Variants in ALDH16A1 observed in about 807,000 individuals in gnomAD.
ALDH16A1 encodes the protein aldehyde dehydrogenase family 16 member A1.
Under a neutral mutation model 96.1 loss-of-function variants are expected in ALDH16A1, and 88 were observed. The ratio of observed to expected loss-of-function variants is 0.92; its 90% CI spans 0.77 to 1.09. ALDH16A1 has a LOEUF of 1.09. Among genes scored for constraint, ALDH16A1 ranks in the 50% least tolerant of loss-of-function variants. ALDH16A1 has a pLI of 0.00. For synonymous variants in ALDH16A1, 522 were observed against 496.4 expected (o/e 1.05, Z -0.69); for missense variants, 1,250 against 1,112.6 (o/e 1.12, Z -1.76).
chr19:49,465,753 T>C lies in ALDH16A1; in HGVS notation c.1584T>C (p.Tyr528=), dbSNP rs2079192214. 2.5e-6 allele frequency: 4 copies of C among 1,613,786 alleles called. No individual in the cohort carries two copies. In the East Asian group the frequency reaches 6.7e-5, roughly 27 times the overall value. ...CCTACTCCAGCCCAGCACCCCCCTA[T>C]GGGCTCTTCGTTGGGGGCCGTTTCC... ...PEIGPSPAPP[Y]GLFVGGRFQA... Residue 528 remains tyrosine, a synonymous_variant, in exon 13 of 17, where the codon TAT becomes TAC. Coordinates refer to ENST00000293350, the MANE Select transcript of ALDH16A1 (RefSeq NM_153329.4).
chr19:49,461,367 G>A (rs1415374156), intron 5 of ALDH16A1, among the ~76,000 whole-genome samples: 2 of 140,594 alleles, frequency 1.4e-5, no homozygotes, highest in African/African-American at 2.8e-5. Context: ...GCTGGAGTCT[G>A]GACTCCTGGG....
In ALDH16A1 at chr19:49,465,868, C is replaced by T. The variant is rs777019923; in HGVS notation, c.1699C>T (p.Arg567Ter). 43 of 1,613,968 alleles carry T rather than the reference C, an allele frequency of 2.7e-5. No individual in the cohort carries two copies. The highest frequency in any genetic ancestry group is 4.0e-5 in the African/African-American group (3 of 74,938). ...YVAEGGAKDI[R>*]GAVEAAHQAF... ...GGCTGAGGGTGGAGCCAAGGACATC[C>T]GAGGTGCTGTGGAGGCCGCTCACCA... The change falls in exon 13 of 17, where the codon CGA (arginine) becomes TGA (stop). Residue 567 changes from arginine (R) to a stop codon, truncating the protein, a stop_gained. Coordinates refer to ENST00000293350, the MANE Select transcript of ALDH16A1 (RefSeq NM_153329.4). LOFTEE classifies it high-confidence loss of function.
rs1321887513 is a variant in ALDH16A1, at chr19:49,465,769, G to A, written c.1600G>A (p.Gly534Ser). The A allele has an allele frequency of 1.9e-6, 3 of 1,613,932 alleles. No individual in the cohort carries two copies. In the African/African-American group the frequency reaches 4.0e-5, roughly 22 times the overall value. ...PAPPYGLFVG[G>S]RFQAPGARSS... is the part of the protein sequence containing the mutation. Reference sequence around the variant, plus strand: ...ACCCCCCTATGGGCTCTTCGTTGGGGGCCGTTTCCAGGCTCCTGGGGCCCG... The same window carrying A: ...ACCCCCCTATGGGCTCTTCGTTGGGAGCCGTTTCCAGGCTCCTGGGGCCCG... Residue 534 changes from glycine (G) to serine (S), a missense_variant, in exon 13 of 17, where the codon GGC becomes AGC. Gly to Ser is a moderately conservative substitution (Grantham distance 56). Transcript: ENST00000293350.
chr19:49,469,104 G>C, intron 16 of ALDH16A1, 118 bp downstream of exon 16: 1 of 1,437,240 alleles, frequency 7.0e-7, no homozygotes, highest in East Asian at 2.4e-5. Flanking sequence ...GAAACTCCTT[G>C]ACAAGAAGGT....
intron 7 of ALDH16A1, among the ~76,000 whole-genome samples, chr19:49,462,257 C>T (rs2079156740): frequency 2.0e-5 from 3 of 152,084 alleles, no homozygotes; most frequent in South Asian, 2.1e-4. Flanking sequence ...GCCTCAGCCT[C>T]CCGAGTAGCT....
rs527587951 is a variant in ALDH16A1 at position 49,453,375 on chromosome 19, C to G, written c.44C>G (p.Thr15Ser). The G allele has an allele frequency of 1.1e-4, 177 of 1,571,364 alleles. No individual in the cohort carries two copies. The highest frequency in any genetic ancestry group is 2.1e-4 in the South Asian group (18 of 86,248). ...GGGCCCCGCGCCCGCGAGATCTTCA[C>G]CTCGCTGGAGTACGGACCGGTGCCG... The part of the protein sequence containing the change: ...RAGPRAREIF[T>S]SLEYGPVPES... The change falls in exon 1 of 17, where the codon ACC (threonine) becomes AGC (serine). Residue 15 changes from threonine (T) to serine (S), a missense_variant. Coordinates refer to ENST00000293350, the MANE Select transcript of ALDH16A1 (RefSeq NM_153329.4).
chr19:49,455,757 G>A (rs1020587646), intron 1 of ALDH16A1, among the ~76,000 whole-genome samples: 1 of 152,140 alleles, frequency 6.6e-6, no homozygotes, highest in African/African-American at 2.4e-5. Context: ...AACATAAAAA[G>A]TGAAGTTGAG....
Position 49,453,324 on chromosome 19 carries a change from G to T in ALDH16A1, c.-8G>T, listed in dbSNP as rs768608295. 1.3e-6 allele frequency: 2 copies of T among 1,559,098 alleles called. No homozygotes were observed. Among genetic ancestry groups the T allele is most frequent in the Non-Finnish European group, 1.7e-6 (2 of 1,154,794 alleles). ...CGCAGTCTTCGCGGAAAGCGTTCGG[G>T]GTAGGCGATGGCTGCGACGCGTGCA... On this transcript the variant is annotated 5_prime_UTR_variant, in exon 1 of 17. Coordinates refer to ENST00000293350, the MANE Select transcript of ALDH16A1 (RefSeq NM_153329.4).
chr19:49,469,039 C>T (rs1286415957), intron 16 of ALDH16A1, 53 bp downstream of exon 16: 3 of 1,566,464 alleles, frequency 1.9e-6, no homozygotes, highest in African/African-American at 1.4e-5. Flanking sequence ...CAAACAGGCT[C>T]CTCCTTTTCT....
At position 49,470,641 on chromosome 19, in the gene ALDH16A1, C is replaced by T; in HGVS notation, c.*174C>T. The stretch of plus-strand genomic sequence containing the variant: ...GTAGCAACTTCTGGCAGATATGAGG[C>T]TTTTTTCTTTTTTTTTTTTTTTTTT... On this transcript the variant is annotated 3_prime_UTR_variant, in exon 17 of 17. Transcript: ENST00000293350. 4 of 493,488 alleles carry T rather than the reference C, an allele frequency of 8.1e-6. No individual in the cohort carries two copies. The highest frequency in any genetic ancestry group is 1.2e-5 in the Non-Finnish European group (4 of 323,502). The allele number at this position is 493,488 out of a possible 1,614,324, so 30.6% of individuals were successfully genotyped here.
intron 4 of ALDH16A1, among the ~76,000 whole-genome samples, chr19:49,460,572 G>A (rs952824628): frequency 7.3e-5 from 11 of 151,704 alleles, no homozygotes; most frequent in Admixed American, 1.3e-4. Context: ...GCACCACCAC[G>A]CCTGGCTAAT....
At position 49,460,912 on chromosome 19, in the gene ALDH16A1, C is replaced by T; in HGVS notation, c.577+13C>T. The T allele has an allele frequency of 6.2e-7, 1 of 1,610,844 alleles. No homozygotes were observed. The highest frequency in any genetic ancestry group is 8.5e-7 in the Non-Finnish European group (1 of 1,178,030). ...GCCCTGGCTGTGGGTAAATGATGGC[C>T]TGGGGGGTCCTGACTCTTGGGTCTG... On this transcript the variant is annotated intron_variant, in intron 5 of 16. Transcript: ENST00000293350.
chr19:49,464,355 AC>A, intron 10 of ALDH16A1, 61 bp from the exon 11 acceptor site: 1 of 1,558,476 alleles, frequency 6.4e-7, no homozygotes, highest in South Asian at 1.2e-5. Context: ...CCTTTAACTC[AC>A]CCCTCTCCCG....
chr19:49,465,497 T>G (rs1376712545), intron 12 of ALDH16A1, among the ~76,000 whole-genome samples: 1 of 123,360 alleles, frequency 8.1e-6, no homozygotes, highest in Non-Finnish European at 1.7e-5. Context: ...AATTTGGGGT[T>G]CCCCAGAGGC....
chr19:49,458,909 A>C lies in ALDH16A1; in HGVS notation c.194-51A>C, dbSNP rs375912142. 128 of 1,585,192 alleles carry C rather than the reference A, an allele frequency of 8.1e-5. No individual in the cohort carries two copies. In the African/African-American group the frequency reaches 1.7e-3, roughly 21 times the overall value. On this transcript the variant is annotated intron_variant, in intron 2 of 16. Coordinates refer to ENST00000293350, the MANE Select transcript of ALDH16A1 (RefSeq NM_153329.4). ...CTCCGAAAATCTCAGCCCCCTCCAG[A>C]TATGACATGGGCTACTCCTCCCATC...
intron 12 of ALDH16A1, among the ~76,000 whole-genome samples, chr19:49,465,130 G>A (rs1472110752): frequency 6.7e-6 from 1 of 148,186 alleles, no homozygotes; most frequent in Non-Finnish European, 1.5e-5. Flanking sequence ...GGAGTTTGAG[G>A]TCCCCCCAGA....
At position 49,453,388 on chromosome 19, in the gene ALDH16A1, C is replaced by A; in HGVS notation, c.57C>A (p.Tyr19Ter). The change falls in exon 1 of 17, where the codon TAC becomes TAA. Residue 19 changes from tyrosine (Y) to a stop codon, truncating the protein, a stop_gained. Coordinates refer to ENST00000293350, the MANE Select transcript of ALDH16A1 (RefSeq NM_153329.4). LOFTEE classifies it high-confidence loss of function. Reference protein sequence around the residue: ...RAREIFTSLEYGPVPESHACA... With the variant: ...RAREIFTSLE Reference sequence around the variant, plus strand: ...GCGAGATCTTCACCTCGCTGGAGTACGGACCGGTGCCGGAGAGCCACGCAT... The same window carrying A: ...GCGAGATCTTCACCTCGCTGGAGTAAGGACCGGTGCCGGAGAGCCACGCAT... 6.4e-7 allele frequency: 1 copy of A among 1,563,610 alleles called. No homozygotes were observed. The highest frequency in any genetic ancestry group is 8.6e-7 in the Non-Finnish European group (1 of 1,156,696).
intron 1 of ALDH16A1, among the ~76,000 whole-genome samples, chr19:49,454,852 C>T (rs1239459841): frequency 6.6e-6 from 1 of 152,150 alleles, no homozygotes; most frequent in Non-Finnish European, 1.5e-5. Context: ...GGCGTGGTGG[C>T]TCAGACTTGT....
At position 49,453,295 on chromosome 19, in the gene ALDH16A1, G is replaced by C; in HGVS notation, c.-37G>C. 6.6e-7 allele frequency: 1 copy of C among 1,521,482 alleles called. No homozygotes were observed. The highest frequency in any genetic ancestry group is 8.8e-7 in the Non-Finnish European group (1 of 1,132,284). The allele number at this position is 1,521,482 out of a possible 1,614,324, so 94.2% of individuals were successfully genotyped here. A position where few individuals can be genotyped will look rare whatever the true frequency, so the allele number is the denominator to read the frequency against. ...CTCAAGGTTCCCCTTAACACAGAGCGCCCCGCAGTCTTCGCGGAAAGCGTT... is the reference window on the plus strand; with the variant it reads ...CTCAAGGTTCCCCTTAACACAGAGCCCCCCGCAGTCTTCGCGGAAAGCGTT... On this transcript the variant is annotated 5_prime_UTR_variant, in exon 1 of 17. Transcript: ENST00000293350.
Sources: allele counts gnomAD v4.1 joint callset (sites outside exome capture counted in the v4.1 genomes callset), GRCh38; gene constraint gnomAD v4.1.1; transcripts MANE v1.5; gene names NCBI Gene and HGNC (gene_info 2026-07-23, HGNC 2026-07-21).